The following PRICKLE2 variants were observed in gnomAD, a reference collection of about 807,000 sequenced individuals.
The protein encoded by PRICKLE2 is prickle planar cell polarity protein 2.
PRICKLE2 carries 21 observed loss-of-function variants against 81.4 expected under a neutral mutation model. The observed-to-expected ratio is 0.26, with a 90% CI of 0.18 to 0.37. PRICKLE2 has a LOEUF of 0.37. Ranked by LOEUF, PRICKLE2 falls within the 10% of genes least tolerant of loss-of-function variation. The pLI, the probability that PRICKLE2 is intolerant of heterozygous loss-of-function variation, is 1.00. For missense variants in PRICKLE2, 940 were observed against 1,109.0 expected (o/e 0.85, Z 2.16); for synonymous variants, 456 against 421.5 (o/e 1.08, Z -1.00).
chr3:64,235,405 T>C (rs918331748), intron 2 of PRICKLE2, among the ~76,000 whole-genome samples: 2 of 152,238 alleles, frequency 1.3e-5, no homozygotes, highest in Admixed American at 6.5e-5. Context: ...TACTTTTGTT[T>C]TCTTCCTGTA....
At chr3:64,227,819 C>G (rs565128844), upstream of PRICKLE2, among the ~76,000 whole-genome samples, 6 of 152,268 alleles carry the variant, frequency 3.9e-5, no homozygotes, top group African/African-American at 7.2e-5. Flanking sequence ...TTAATAGAAA[C>G]AATCATGCTT....
intron 2 of PRICKLE2, among the ~76,000 whole-genome samples, chr3:64,176,419 A>C (rs1239555501): frequency 1.3e-5 from 2 of 152,234 alleles, no homozygotes; most frequent in African/African-American, 4.8e-5. Context: ...TGACATAATT[A>C]GTCCATTACC....
intron 2 of PRICKLE2, among the ~76,000 whole-genome samples, chr3:64,187,115 T>C (rs2078247937): frequency 6.6e-6 from 1 of 152,176 alleles, no homozygotes; most frequent in Non-Finnish European, 1.5e-5. Flanking sequence ...CCTTGACAAG[T>C]CCCTGCTGGT....
rs535677080 is a variant in PRICKLE2, at chr3:64,176,183, C to A, written c.145-13054G>T. Among the ~76,000 whole-genome samples, 6 of 152,238 alleles carry A rather than the reference C, an allele frequency of 3.9e-5. No individual in the cohort carries two copies. In the South Asian group the frequency reaches 1.2e-3, roughly 32 times the overall value. On this transcript the variant is annotated intron_variant, in intron 2 of 7. Transcript: ENST00000638394. Reference sequence around the variant, plus strand: ...TGAATAGGACTAGCTGCAAGGGAAGCTAGGAAACAGGGTCCTTAGTAGGGC... The same window carrying A: ...TGAATAGGACTAGCTGCAAGGGAAGATAGGAAACAGGGTCCTTAGTAGGGC...
intron 1 of PRICKLE2, among the ~76,000 whole-genome samples, chr3:64,224,380 A>G (rs1412628272): frequency 1.3e-5 from 2 of 152,202 alleles, no homozygotes; most frequent in Non-Finnish European, 2.9e-5. Flanking sequence ...AAACCGAATC[A>G]TGTGTTCAGC....
At chr3:64,218,548 A>T (rs963030169) in intron 1 of PRICKLE2, among the ~76,000 whole-genome samples, 2 of 152,228 alleles carry the variant, frequency 1.3e-5, no homozygotes, top group African/African-American at 4.8e-5. Flanking sequence ...TGCAGATGGT[A>T]ACAAACCCTT....
rs1217122021 is a variant in PRICKLE2 at position 64,163,273 on chromosome 3, T to C, written c.145-144A>G. ...TTATGAAAGTCAACAGCAGATGAGT[T>C]TCCTATGGTAAGCAGAGAAATTCAT... On this transcript the variant is annotated intron_variant, in intron 2 of 7. Coordinates refer to ENST00000638394, the MANE Select transcript of PRICKLE2 (RefSeq NM_198859.4). 4.2e-6 allele frequency: 3 copies of C among 711,110 alleles called. No individual in the cohort carries two copies. In the Admixed American group the frequency reaches 5.9e-5, roughly 14 times the overall value. 44.1% of individuals were successfully genotyped at this position (711,110 alleles called of 1,614,324 possible). A position where few individuals can be genotyped will look rare whatever the true frequency, so the allele number is the denominator to read the frequency against.
chr3:64,140,075 A>G (rs571453118), intron 7 of PRICKLE2, among the ~76,000 whole-genome samples: 2 of 152,242 alleles, frequency 1.3e-5, no homozygotes, highest in South Asian at 4.2e-4. Context: ...ACTAATACCA[A>G]CCAGTATTCA....
intron 1 of PRICKLE2, among the ~76,000 whole-genome samples, chr3:64,223,743 G>A (rs1023535642): frequency 6.6e-6 from 1 of 152,152 alleles, no homozygotes; most frequent in African/African-American, 2.4e-5. Context: ...TCAAAGTTGT[G>A]ACTTACTCTG....
chr3:64,214,138 A>T (rs1362644321), intron 1 of PRICKLE2, among the ~76,000 whole-genome samples: 1 of 152,230 alleles, frequency 6.6e-6, no homozygotes, highest in African/African-American at 2.4e-5. Flanking sequence ...GCCAGCTGGC[A>T]GCGGAATCCC....
chr3:64,164,832 T>A (rs193290103), intron 2 of PRICKLE2, among the ~76,000 whole-genome samples: 1 of 152,300 alleles, frequency 6.6e-6, no homozygotes, highest in East Asian at 1.9e-4. Context: ...CCCAGATCAC[T>A]AGTTAGTTTG....
chr3:64,247,477 T>C (rs1390956101), intron 2 of PRICKLE2, among the ~76,000 whole-genome samples: 1 of 152,230 alleles, frequency 6.6e-6, no homozygotes, highest in Admixed American at 6.5e-5. Context: ...TGTAATCTTT[T>C]TGTCTTACAT....
rs2077512857 is a variant in PRICKLE2, at chr3:64,149,693, G to C, written c.788-1991C>G. 3.3e-5 allele frequency among the ~76,000 whole-genome samples: 5 copies of C among 152,280 alleles called. No individual in the cohort carries two copies. The South Asian group carries it at 1.0e-3, about 32-fold the overall frequency. ...AAGAGGCAATGAACCAGAAATTAGG[G>C]AGAAGAAGAGAATTGCAAGAACAAA... On this transcript the variant is annotated intron_variant, in intron 6 of 7. Coordinates refer to ENST00000638394, the MANE Select transcript of PRICKLE2 (RefSeq NM_198859.4).
At chr3:64,100,110 T>C (rs1365889784) in intron 7 of PRICKLE2, 185 bp from the exon 8 acceptor site, 2 of 621,442 alleles carry the variant, frequency 3.2e-6, no homozygotes, top group African/African-American at 3.7e-5. Context: ...TAGGTCACTA[T>C]CTACCTAGAG....
upstream of PRICKLE2, among the ~76,000 whole-genome samples, chr3:64,226,940 C>T (rs1367838464): frequency 6.6e-6 from 1 of 152,214 alleles, no homozygotes; most frequent in Non-Finnish European, 1.5e-5. Flanking sequence ...AAGGACAAAG[C>T]AGCTAGCACG....
At chr3:64,173,756 C>A (rs1379313378) in intron 2 of PRICKLE2, among the ~76,000 whole-genome samples, 5 of 152,206 alleles carry the variant, frequency 3.3e-5, no homozygotes, top group South Asian at 4.1e-4. Flanking sequence ...ACGGTCCCAG[C>A]AAATCACACA....
At chr3:64,240,808 A>G (rs1476003427) in intron 2 of PRICKLE2, among the ~76,000 whole-genome samples, 3 of 152,164 alleles carry the variant, frequency 2.0e-5, no homozygotes, top group Admixed American at 1.3e-4. Flanking sequence ...AGTTTCCACA[A>G]GCTCTCCAGG....
At chr3:64,113,430 C>A (rs1327427840) in intron 7 of PRICKLE2, among the ~76,000 whole-genome samples, 1 of 152,100 alleles carries the variant, frequency 6.6e-6, no homozygotes, top group Non-Finnish European at 1.5e-5. Context: ...GTCTTGGGTA[C>A]CTTGGGGGCC....
chr3:64,229,835 A>T (rs2079076729), upstream of PRICKLE2, among the ~76,000 whole-genome samples: 1 of 152,232 alleles, frequency 6.6e-6, no homozygotes, highest in Non-Finnish European at 1.5e-5. Context: ...AATGTGGGAG[A>T]GGAAGCTGAC....
Sources: gnomAD v4.1 joint callset for allele counts (sites outside exome capture counted in the v4.1 genomes callset) on GRCh38, gnomAD v4.1.1 for gene constraint, MANE v1.5 for transcripts, NCBI Gene and HGNC (gene_info 2026-07-23, HGNC 2026-07-21) for gene names.